The following PIEZO2 variants were observed in gnomAD, a reference collection of about 807,000 sequenced individuals.
PIEZO2 encodes the protein piezo-type mechanosensitive ion channel component 2.
Under a neutral mutation model 337.3 loss-of-function variants are expected in PIEZO2, and 172 were observed. The observed-to-expected ratio is 0.51, with a 90% confidence interval of 0.45 to 0.58. PIEZO2 has a LOEUF of 0.58. Ranked by LOEUF, PIEZO2 falls within the 20% of genes least tolerant of loss-of-function variation. PIEZO2 has a pLI of 0.00. For synonymous variants in PIEZO2, 1,251 were observed against 1,228.5 expected (o/e 1.02, Z -0.38); for missense variants, 3,028 against 3,391.3 (o/e 0.89, Z 2.66).
At position 10,787,060 on chromosome 18, in the gene PIEZO2, T is replaced by C; in HGVS notation, c.2294A>G (p.Asn765Ser). 1 of 1,533,708 alleles carries C rather than the reference T, an allele frequency of 6.5e-7. No homozygotes were observed. The highest frequency in any genetic ancestry group is 1.2e-5 in the South Asian group (1 of 83,312). Reference protein sequence around the residue: ...QFENFPGLWQNMTGLKKEKLE... With the variant: ...QFENFPGLWQSMTGLKKEKLE... ...CTTTTCTTTTTTCAGTCCAGTCATA[T>C]TTTGCCACAGGCCTGGGAAGTTCTC... Residue 765 changes from asparagine to serine, a missense_variant, in exon 16 of 56, where the codon AAT becomes AGT. Around this residue, in one of 5 missense-constraint regions of PIEZO2, gnomAD observed 1,925 missense variants for 2,051.9 expected, o/e 0.94. Transcript: ENST00000674853.
At chr18:10,842,693 A>G (rs1370806329) in intron 7 of PIEZO2, among the ~76,000 whole-genome samples, 1 of 152,220 alleles carries the variant, frequency 6.6e-6, no homozygotes, top group Non-Finnish European at 1.5e-5. Flanking sequence ...GTATTCCTTC[A>G]TGGCAACATT....
intron 12 of PIEZO2, among the ~76,000 whole-genome samples, chr18:10,796,131 G>A (rs568543175): frequency 8.5e-5 from 13 of 152,108 alleles, no homozygotes; most frequent in East Asian, 3.9e-4. Flanking sequence ...TTGGGAGGCC[G>A]AGGCGGGCGG....
rs1330846933 is a variant in PIEZO2, at chr18:11,116,385, A to G, written c.64+32140T>C. On this transcript the variant is annotated intron_variant, in intron 1 of 55. Transcript: ENST00000674853. This position sits in a 1 kb window ranked among gnomAD's most constrained non-coding sequence, Gnocchi z 5.0. ...CAACGGTGTGAAAATGCACCTCGAC[A>G]ATGCTTGGGTGATCTGTTTCTTGGG... Among the ~76,000 whole-genome samples, 1 of 152,114 alleles carries G rather than the reference A, an allele frequency of 6.6e-6. No homozygotes were observed. The highest frequency in any genetic ancestry group is 6.5e-5 in the Admixed American group (1 of 15,274).
intron 7 of PIEZO2, among the ~76,000 whole-genome samples, chr18:10,823,962 T>C (rs2040594538): frequency 6.6e-6 from 1 of 152,238 alleles, no homozygotes; most frequent in Non-Finnish European, 1.5e-5. Flanking sequence ...AAGCCTTGCC[T>C]ACAGTTCTTT....
At chr18:10,978,368 A>T (rs1423103923) in intron 3 of PIEZO2, among the ~76,000 whole-genome samples, 2 of 151,826 alleles carry the variant, frequency 1.3e-5, no homozygotes. Context: ...CAACAAAAAA[A>T]CTGCTGAACT....
In PIEZO2 at chr18:10,672,850, T is replaced by C; in HGVS notation, c.8185A>G (p.Ile2729Val). Residue 2729 changes from isoleucine to valine, a missense_variant, in exon 55 of 56, where the codon ATC (isoleucine) becomes GTC (valine). Physicochemically the swap from Ile to Val is conservative, Grantham distance 29. Around this residue, in one of 5 missense-constraint regions of PIEZO2, gnomAD observed 332 missense variants for 363.8 expected, o/e 0.91. Transcript: ENST00000674853. This position sits in a 1 kb window ranked among gnomAD's most constrained non-coding sequence, Gnocchi z 4.7. ...GTTGTATTGTCTCTGGACAAAATGATGGTAATATCCATGAAATTATTTTCT... is the reference window on the plus strand; with the variant it reads ...GTTGTATTGTCTCTGGACAAAATGACGGTAATATCCATGAAATTATTTTCT... ...LSENNFMDITIILSRDNTTKY... is the reference protein window; with the variant it reads ...LSENNFMDITVILSRDNTTKY... The C allele has an allele frequency of 6.2e-7, 1 of 1,603,382 alleles. No individual in the cohort carries two copies. Among genetic ancestry groups the C allele is most frequent in the Non-Finnish European group, 8.5e-7 (1 of 1,176,128 alleles).
intron 3 of PIEZO2, among the ~76,000 whole-genome samples, chr18:10,912,395 C>G (rs2030559581): frequency 6.6e-6 from 1 of 152,182 alleles, no homozygotes; most frequent in African/African-American, 2.4e-5. Flanking sequence ...GTAACTATTG[C>G]AGGTAAATAC....
intron 1 of PIEZO2, among the ~76,000 whole-genome samples, chr18:11,145,264 G>A (rs949766902): frequency 6.6e-6 from 1 of 152,048 alleles, no homozygotes; most frequent in African/African-American, 2.4e-5. Flanking sequence ...TTATGGTTTT[G>A]TTTTGCTTTT....
At chr18:10,733,863 A>C (rs1355653001) in intron 35 of PIEZO2, among the ~76,000 whole-genome samples, 1 of 152,244 alleles carries the variant, frequency 6.6e-6, no homozygotes, top group Non-Finnish European at 1.5e-5. Flanking sequence ...GGAAATTTAC[A>C]TGAAAGACCT....
chr18:10,807,499 T>C (rs1294441993), intron 7 of PIEZO2, among the ~76,000 whole-genome samples: 2 of 152,250 alleles, frequency 1.3e-5, no homozygotes, highest in Non-Finnish European at 2.9e-5. Flanking sequence ...AGTAATCATA[T>C]GTGTATGTAT....
intron 16 of PIEZO2, among the ~76,000 whole-genome samples, chr18:10,785,513 C>G (rs966371508): frequency 3.9e-5 from 6 of 152,148 alleles, no homozygotes; most frequent in African/African-American, 1.4e-4. Flanking sequence ...GCTTCCAAAA[C>G]AGTATTCTTG....
rs1395807994 is a variant in PIEZO2 at position 11,132,487 on chromosome 18, T to C, written c.64+16038A>G. On this transcript the variant is annotated intron_variant, in intron 1 of 55. Coordinates refer to ENST00000674853, the MANE Select transcript of PIEZO2 (RefSeq NM_001378183.1). The surrounding 1 kb of genome is among the most constrained non-coding windows in gnomAD (Gnocchi z 4.7). Reference sequence around the variant, plus strand: ...TCCAGAAGGCCGTGTATGCTCTGAATCAACATCCAATATATGGTACTGTTT... The same window carrying C: ...TCCAGAAGGCCGTGTATGCTCTGAACCAACATCCAATATATGGTACTGTTT... 7.9e-5 allele frequency among the ~76,000 whole-genome samples: 12 copies of C among 152,162 alleles called. No homozygotes were observed. Among genetic ancestry groups the C allele is most frequent in the Non-Finnish European group, 4.4e-5 (3 of 68,036 alleles).
rs1169125465 is a variant in PIEZO2, at chr18:10,878,764, A to C, written c.330-7349T>G. On this transcript the variant is annotated intron_variant, in intron 4 of 55. Transcript: ENST00000674853. The surrounding 1 kb of genome is among the most constrained non-coding windows in gnomAD (Gnocchi z 4.3). ...GAAACACAGGGTAAGGTCAGACCATACAAAGCTTGGATGTTTTGAAAAAAA... is the reference window on the plus strand; with the variant it reads ...GAAACACAGGGTAAGGTCAGACCATCCAAAGCTTGGATGTTTTGAAAAAAA... Among the ~76,000 whole-genome samples, 1 of 150,628 alleles carries C rather than the reference A, an allele frequency of 6.6e-6. No homozygotes were observed. Among genetic ancestry groups the C allele is most frequent in the East Asian group, 1.9e-4 (1 of 5,178 alleles).
At position 11,003,642 on chromosome 18, in the gene PIEZO2, G is replaced by A. The variant is rs2035621762; in HGVS notation, c.161-23982C>T. ...CCAGGCGGGCATCAGGCGGGCACCA[G>A]CCCTAGCCAGTACACCGTCCCATCT... On this transcript the variant is annotated intron_variant, in intron 2 of 55. Coordinates refer to ENST00000674853, the MANE Select transcript of PIEZO2 (RefSeq NM_001378183.1). The surrounding 1 kb of genome is among the most constrained non-coding windows in gnomAD (Gnocchi z 4.6). Among the ~76,000 whole-genome samples the A allele has an allele frequency of 6.6e-6, 1 of 152,186 alleles. No individual in the cohort carries two copies. The highest frequency in any genetic ancestry group is 1.5e-5 in the Non-Finnish European group (1 of 68,042).
Position 10,682,711 on chromosome 18 carries a change from G to A in PIEZO2, c.7498-419C>T, listed in dbSNP as rs930625783. Among the ~76,000 whole-genome samples, 4 of 152,158 alleles carry A rather than the reference G, an allele frequency of 2.6e-5. No individual in the cohort carries two copies. Among genetic ancestry groups the A allele is most frequent in the African/African-American group, 9.7e-5 (4 of 41,428 alleles). On this transcript the variant is annotated intron_variant, in intron 49 of 55. Transcript: ENST00000674853. This position sits in a 1 kb window ranked among gnomAD's most constrained non-coding sequence, Gnocchi z 5.6. ...TATTTAAAATCTGTGCCTTTCAGTT[G>A]ACCCTTCCCTGCCCTTGGAGGGTGA... is the stretch of plus-strand genomic sequence containing the variant.
intron 7 of PIEZO2, among the ~76,000 whole-genome samples, chr18:10,852,007 T>C (rs545198790): frequency 5.1e-4 from 78 of 152,320 alleles, no homozygotes; most frequent in Non-Finnish European, 9.1e-4. Context: ...CTACAGAGGA[T>C]ATTTACATTT....
intron 3 of PIEZO2, among the ~76,000 whole-genome samples, chr18:10,965,007 T>C (rs968877517): frequency 1.3e-5 from 2 of 152,230 alleles, no homozygotes; most frequent in Non-Finnish European, 2.9e-5. Context: ...TTAATGGATA[T>C]TTAGATTATT....
intron 11 of PIEZO2, among the ~76,000 whole-genome samples, chr18:10,799,553 C>A (rs1480765575): frequency 6.6e-6 from 1 of 152,098 alleles, no homozygotes; most frequent in Non-Finnish European, 1.5e-5. Context: ...CCCAAGTCAC[C>A]AATTTGTCAT....
At chr18:10,858,345 AAAG>A (rs1316030373) in intron 5 of PIEZO2, among the ~76,000 whole-genome samples, 141 of 149,602 alleles carry the variant, frequency 9.4e-4, no homozygotes, top group Non-Finnish European at 1.3e-3. Flanking sequence ...AAAAAAAAAA[AAAG>A]AAAAGAAAAG....
Sources: allele counts gnomAD v4.1 joint callset (sites outside exome capture counted in the v4.1 genomes callset), GRCh38; gene constraint gnomAD v4.1.1; regional missense constraint gnomAD v4.1.1; non-coding constraint Gnocchi (gnomAD v3.1); transcripts MANE v1.5; gene names NCBI Gene and HGNC (gene_info 2026-07-23, HGNC 2026-07-21).